Variants in PPP1R8 observed in about 807,000 individuals in gnomAD.
PPP1R8 encodes nuclear inhibitor of protein phosphatase 1.
In PPP1R8, 4 loss-of-function variants were observed where a neutral mutation model predicts 31.3. That is an observed-to-expected ratio of 0.13 (90% CI 0.06 to 0.29). PPP1R8 has a LOEUF of 0.29. Ranked by LOEUF, PPP1R8 falls within the 10% of genes least tolerant of loss-of-function variation. The pLI is 1.00. For synonymous variants in PPP1R8, 170 were observed against 169.7 expected (o/e 1.00, Z -0.01); for missense variants, 254 against 440.1 (o/e 0.58, Z 3.78).
chr1:27,839,101 C>T (rs892595231), intron 3 of PPP1R8, among the ~76,000 whole-genome samples: 4 of 152,116 alleles, frequency 2.6e-5, no homozygotes, highest in African/African-American at 7.2e-5. Flanking sequence ...TGGGGGCTCA[C>T]ATCTGTAGCT....
intron 2 of PPP1R8, among the ~76,000 whole-genome samples, chr1:27,835,440 GTGAC>G (rs1035755945): frequency 3.3e-5 from 5 of 152,168 alleles, no homozygotes; most frequent in African/African-American, 1.2e-4. Flanking sequence ...AGACATGAAG[GTGAC>G]TGACTGAGCT....
rs1273203777 is a variant in PPP1R8 at position 27,850,301 on chromosome 1, C to T, written c.911C>T (p.Thr304Ile). The T allele has an allele frequency of 6.2e-7, 1 of 1,614,258 alleles. No homozygotes were observed. The highest frequency in any genetic ancestry group is 1.7e-5 in the Admixed American group (1 of 60,024). The change falls in exon 7 of 7, where the codon ACT becomes ATT. Residue 304 changes from threonine (T) to isoleucine (I), a missense_variant. This residue lies in a region of PPP1R8 where 105 missense variants were observed against 128.0 expected (regional missense o/e 0.82). Coordinates refer to ENST00000311772, the MANE Select transcript of PPP1R8 (RefSeq NM_014110.5). ...YPNLAPDVDL[T>I]PVVPSAVNMN... ...AACCTTGCCCCTGATGTGGACTTGA[C>T]TCCTGTTGTGCCGTCAGCAGTGAAC...
chr1:27,841,897 A>G (rs975327154), intron 4 of PPP1R8, among the ~76,000 whole-genome samples: 7 of 152,212 alleles, frequency 4.6e-5, no homozygotes, highest in African/African-American at 1.7e-4. Context: ...TGGTGTGGCT[A>G]TAGTCCTTTA....
intron 6 of PPP1R8, among the ~76,000 whole-genome samples, chr1:27,848,981 C>T (rs2089312414): frequency 6.6e-6 from 1 of 152,176 alleles, no homozygotes; most frequent in African/African-American, 2.4e-5. Context: ...CAAAAAGTTG[C>T]CTCGTAGCCC....
intron 5 of PPP1R8, among the ~76,000 whole-genome samples, chr1:27,843,755 C>G (rs2148618529): frequency 6.6e-6 from 1 of 152,180 alleles, no homozygotes; most frequent in Non-Finnish European, 1.5e-5. Context: ...GATTTCAAGA[C>G]CAGGGTGGCC....
chr1:27,836,518 C>T (rs1189294114), intron 2 of PPP1R8, among the ~76,000 whole-genome samples: 1 of 152,136 alleles, frequency 6.6e-6, no homozygotes, highest in African/African-American at 2.4e-5. Context: ...GGGCTCATGC[C>T]ATTCTCCTGC....
chr1:27,832,118 T>G (rs2089115749), intron 1 of PPP1R8, among the ~76,000 whole-genome samples: 1 of 152,230 alleles, frequency 6.6e-6, no homozygotes. Flanking sequence ...CCAGGCACCG[T>G]TAGGTGCTTT....
chr1:27,836,099 T>C (rs939509573), intron 2 of PPP1R8, among the ~76,000 whole-genome samples: 1 of 152,254 alleles, frequency 6.6e-6, no homozygotes, highest in African/African-American at 2.4e-5. Context: ...AGCCGGGTAC[T>C]AACTTGACTA....
intron 6 of PPP1R8, among the ~76,000 whole-genome samples, chr1:27,848,188 G>A (rs2089304108): frequency 6.6e-6 from 1 of 152,032 alleles, no homozygotes; most frequent in South Asian, 2.1e-4. Context: ...AGATTACAAG[G>A]TCAGGAGATC....
Position 27,843,178 on chromosome 1 carries a change from T to C in PPP1R8, c.493-8T>C. 2 of 1,614,146 alleles carry C rather than the reference T, an allele frequency of 1.2e-6. No individual in the cohort carries two copies. Among genetic ancestry groups the C allele is most frequent in the South Asian group, 2.2e-5 (2 of 91,084 alleles). On this transcript the variant is annotated splice_polypyrimidine_tract_variant and splice_region_variant and intron_variant, in intron 4 of 6. Transcript: ENST00000311772. ...ACTGCTGTCTTTCCTGTATGAACCC[T>C]GGCTTAGAACCTGACAGAGTTCAAC... is the stretch of plus-strand genomic sequence containing the variant.
chr1:27,832,855 T>G (rs777574308), intron 2 of PPP1R8, 39 bp downstream of exon 2: 1 of 1,539,110 alleles, frequency 6.5e-7, no homozygotes, highest in South Asian at 1.2e-5. Context: ...GCTGCCACAC[T>G]AAAGATTTTT....
At chr1:27,830,914 C>T (rs1394305217) in intron 1 of PPP1R8, 23 bp downstream of exon 1, 1 of 1,549,424 alleles carries the variant, frequency 6.5e-7, no homozygotes, top group South Asian at 1.2e-5. Flanking sequence ...GCGGCCAGGG[C>T]TAGAGTGGCC....
At chr1:27,832,838 T>A (rs199768992) in intron 2 of PPP1R8, 22 bp downstream of exon 2, 12 of 1,585,048 alleles carry the variant, frequency 7.6e-6, no homozygotes, top group Non-Finnish European at 1.0e-5. Flanking sequence ...CATGTCTTAC[T>A]TTTTTGGCTG....
chr1:27,831,143 A>ACAC, intron 1 of PPP1R8: 2 of 1,273,924 alleles, frequency 1.6e-6, no homozygotes, highest in South Asian at 2.2e-5. Context: ...CCTTTGAGCG[A>ACAC]TTAGCCAGTC....
chr1:27,846,469 A>G (rs562018123), intron 5 of PPP1R8, among the ~76,000 whole-genome samples: 2 of 152,378 alleles, frequency 1.3e-5, no homozygotes, highest in African/African-American at 2.4e-5. Flanking sequence ...TCTTGCTTAT[A>G]TACAGTTCAG....
chr1:27,843,608 C>T (rs563097489), intron 5 of PPP1R8, among the ~76,000 whole-genome samples: 2 of 150,164 alleles, frequency 1.3e-5, no homozygotes, highest in South Asian at 2.1e-4. Context: ...TGCAGTGAGC[C>T]GGGATTGTGC....
rs1202384870 is a variant in PPP1R8, at chr1:27,850,194, C to G, written c.804C>G (p.Pro268=). ...AFSGGLYGGL[P]PTHSEAGSQP... ...GCGGAGGACTCTACGGGGGCCTGCC[C>G]CCCACACACAGTGAAGCAGGCTCCC... Residue 268 remains proline (P), a synonymous_variant, in exon 7 of 7, where the codon CCC becomes CCG. Transcript: ENST00000311772. 1 of 1,614,182 alleles carries G rather than the reference C, an allele frequency of 6.2e-7. No homozygotes were observed. The highest frequency in any genetic ancestry group is 1.7e-5 in the Admixed American group (1 of 60,024).
chr1:27,830,883 C>T lies in PPP1R8; in HGVS notation c.48C>T (p.Cys16=), dbSNP rs759991020. 2 of 1,571,486 alleles carry T rather than the reference C, an allele frequency of 1.3e-6. No homozygotes were observed. The highest frequency in any genetic ancestry group is 3.7e-5 in the Admixed American group (2 of 53,826). Residue 16 remains cysteine (C), a synonymous_variant, in exon 1 of 7, where the codon TGC becomes TGT. Coordinates refer to ENST00000311772, the MANE Select transcript of PPP1R8 (RefSeq NM_014110.5). ...NSGSSLPLFD[C]PTWAGKPPPG... is the part of the protein sequence containing the mutation. ...GCTCTAGCCTCCCGCTGTTCGACTG[C>T]CCAACCTGGTGAGTGGCGGGGCGGC... is the stretch of plus-strand genomic sequence containing the variant.
Position 27,841,116 on chromosome 1 carries a change from C to T in PPP1R8, c.374C>T (p.Thr125Ile). The change falls in exon 4 of 7, where the codon ACT (threonine) becomes ATT (isoleucine). Residue 125 changes from threonine (T) to isoleucine (I), a missense_variant. By Grantham distance (89) the Thr-to-Ile change is moderately conservative. Coordinates refer to ENST00000311772, the MANE Select transcript of PPP1R8 (RefSeq NM_014110.5). ...TTTGGCGCATCCACAAGGGCATACA[C>T]TCTGCGCGAGAAGCCTCAGACATTG... is the stretch of plus-strand genomic sequence containing the variant. ...VSFGASTRAYTLREKPQTLPS... is the reference protein window; with the variant it reads ...VSFGASTRAYILREKPQTLPS... 6.2e-7 allele frequency: 1 copy of T among 1,614,220 alleles called. No homozygotes were observed. Among genetic ancestry groups the T allele is most frequent in the Non-Finnish European group, 8.5e-7 (1 of 1,180,048 alleles).
Sources: gnomAD v4.1 joint callset for allele counts (sites outside exome capture counted in the v4.1 genomes callset) on GRCh38, gnomAD v4.1.1 for gene constraint, gnomAD v4.1.1 regional missense constraint, MANE v1.5 for transcripts, NCBI Gene and HGNC (gene_info 2026-07-23, HGNC 2026-07-21) for gene names.